Variants in PTER observed in about 807,000 individuals in gnomAD.
PTER encodes N-acetyltaurine hydrolase.
In PTER, 38 loss-of-function variants were observed where a neutral mutation model predicts 29.6. The observed-to-expected ratio is 1.28, with a 90% CI of 0.99 to 1.68. The LOEUF is 1.68. PTER is among the 40% of genes most tolerant of loss of function. The pLI is 0.00. For missense variants in PTER, 482 were observed against 427.8 expected, an observed-to-expected ratio of 1.13 and a Z score of -1.12; for synonymous variants, 172 against 154.5, an observed-to-expected ratio of 1.11 and a Z score of -0.84.
chr10:16,496,357 TC>T (rs1836098017), intron 3 of PTER, among the ~76,000 whole-genome samples: 1 of 152,244 alleles, frequency 6.6e-6, no homozygotes, highest in Admixed American at 6.5e-5. Flanking sequence ...TTCCCTCGCC[TC>T]CCTCCACCTT....
At chr10:16,438,663 C>A (rs1399202539) in intron 1 of PTER, among the ~76,000 whole-genome samples, 1 of 150,092 alleles carries the variant, frequency 6.7e-6, no homozygotes, top group Non-Finnish European at 1.5e-5. Context: ...CGCGGTGGCT[C>A]ACACCTGTAA....
chr10:16,516,629 A>C (rs1349711694), downstream of PTER, among the ~76,000 whole-genome samples: 1 of 152,200 alleles, frequency 6.6e-6, no homozygotes, highest in Non-Finnish European at 1.5e-5. Context: ...TTCTACATGA[A>C]GGTATTGGAG....
intron 1 of PTER, among the ~76,000 whole-genome samples, chr10:16,438,498 G>T (rs561472810): frequency 6.7e-6 from 1 of 149,536 alleles, no homozygotes; most frequent in Non-Finnish European, 1.5e-5. Context: ...TGGTAGAGAC[G>T]GGGTTTTGCC....
intron 3 of PTER, 136 bp downstream of exon 3, chr10:16,486,753 A>T: frequency 9.6e-7 from 1 of 1,039,396 alleles, no homozygotes; most frequent in South Asian, 1.7e-5. Flanking sequence ...GGTAGTATTT[A>T]TAAAGTTTCA....
At position 16,493,426 on chromosome 10, in the gene PTER, A is replaced by AT. The variant is rs76503649; in HGVS notation, c.698+6819dup. 6.5e-3 allele frequency among the ~76,000 whole-genome samples: 977 copies of AT among 151,044 alleles called. 8 individuals carry two copies. Among genetic ancestry groups the AT allele is most frequent in the African/African-American group, 0.018 (748 of 40,732 alleles). The stretch of plus-strand genomic sequence containing the variant: ...TGAGTTTCTTTTATTCTTAAAAACA[A>AT]TTTTTTTTTTAAATTTTTAAGAGTA... On this transcript the variant is annotated intron_variant, in intron 3 of 4. Transcript: ENST00000535784.
At chr10:16,489,266 G>A (rs1321844141) in intron 3 of PTER, among the ~76,000 whole-genome samples, 11 of 152,132 alleles carry the variant, frequency 7.2e-5, no homozygotes, top group Admixed American at 3.9e-4. Flanking sequence ...TTAAGTTCTA[G>A]TTGGTTACTT....
intron 1 of PTER, among the ~76,000 whole-genome samples, chr10:16,477,302 G>GATAGATAGATAGATA (rs1187346995): frequency 1.2e-5 from 1 of 80,516 alleles, no homozygotes; most frequent in Non-Finnish European, 2.2e-5. Flanking sequence ...ATAGATAGAT[G>GATAGATAGATAGATA]GATGTCTGTC....
chr10:16,492,809 T>G (rs1052092456), intron 3 of PTER, among the ~76,000 whole-genome samples: 2 of 152,206 alleles, frequency 1.3e-5, no homozygotes, highest in African/African-American at 4.8e-5. Flanking sequence ...ATCACTGTCT[T>G]TGAAAATTCC....
chr10:16,470,962 G>A (rs772609308), intron 1 of PTER, among the ~76,000 whole-genome samples: 5 of 151,686 alleles, frequency 3.3e-5, no homozygotes, highest in African/African-American at 4.8e-5. Context: ...CTCCATTTCC[G>A]CTGCTAACCC....
At chr10:16,453,190 A>G (rs777116067) in intron 1 of PTER, among the ~76,000 whole-genome samples, 11 of 152,204 alleles carry the variant, frequency 7.2e-5, no homozygotes, top group Admixed American at 1.3e-4. Flanking sequence ...TGCTGGGATT[A>G]TAGGCATGAG....
intron 3 of PTER, among the ~76,000 whole-genome samples, chr10:16,487,977 C>G (rs1179170061): frequency 6.6e-6 from 1 of 151,630 alleles, no homozygotes; most frequent in East Asian, 1.9e-4. Flanking sequence ...AAGACCCTGT[C>G]TCAAGAAAAA....
chr10:16,438,469 G>GT (rs1554784924), intron 1 of PTER, among the ~76,000 whole-genome samples: 3,184 of 95,028 alleles, frequency 0.034, 56 homozygotes, highest in Middle Eastern at 0.052. Flanking sequence ...TCTGTTTTTT[G>GT]TTTTTTTTTT....
intron 1 of PTER, among the ~76,000 whole-genome samples, chr10:16,467,349 G>C (rs904404831): frequency 2.6e-5 from 4 of 152,098 alleles, no homozygotes; most frequent in African/African-American, 9.7e-5. Context: ...AGTATCTACA[G>C]GGTTAGGTAC....
chr10:16,509,414 G>A (rs1460253702), intron 4 of PTER, among the ~76,000 whole-genome samples: 2 of 152,102 alleles, frequency 1.3e-5, no homozygotes, highest in East Asian at 3.9e-4. Flanking sequence ...GTGTTTCAAG[G>A]TCTGACAAAG....
chr10:16,469,077 T>A (rs60196845), intron 1 of PTER, among the ~76,000 whole-genome samples: 19,243 of 152,084 alleles, frequency 0.13, 1,493 homozygotes, highest in South Asian at 0.25. Context: ...CCTGTATTGC[T>A]TGAGCAACAA....
intron 1 of PTER, among the ~76,000 whole-genome samples, chr10:16,478,679 G>A (rs1036890384): frequency 5.3e-5 from 8 of 151,954 alleles, no homozygotes; most frequent in Non-Finnish European, 8.8e-5. Flanking sequence ...ACTAAACAGA[G>A]AAATTTGGGA....
At chr10:16,470,977 T>C (rs7068059) in intron 1 of PTER, among the ~76,000 whole-genome samples, 76,114 of 151,938 alleles carry the variant, frequency 0.5, 20,945 homozygotes, top group African/African-American at 0.73. Context: ...TAACCCCTCA[T>C]ATGAGTGTGT....
chr10:16,500,457 T>G (rs1156603821), intron 3 of PTER, among the ~76,000 whole-genome samples: 1 of 151,924 alleles, frequency 6.6e-6, no homozygotes, highest in African/African-American at 2.4e-5. Context: ...TTGCTTTGTT[T>G]CCAAGGCTAG....
intron 3 of PTER, among the ~76,000 whole-genome samples, chr10:16,498,098 C>A (rs567756422): frequency 6.6e-6 from 1 of 152,326 alleles, no homozygotes; most frequent in Admixed American, 6.5e-5. Flanking sequence ...TCTGGGAAAT[C>A]CCAGGATGTT....
Sources: gnomAD v4.1 joint callset for allele counts (sites outside exome capture counted in the v4.1 genomes callset) on GRCh38, gnomAD v4.1.1 for gene constraint, MANE v1.5 for transcripts, NCBI Gene and HGNC (gene_info 2026-07-23, HGNC 2026-07-21) for gene names.